CNTNAP2: variants seen among roughly 807,000 people sequenced by gnomAD.
CNTNAP2 encodes the protein contactin associated protein 2, also known as contactin-associated protein-like 2.
CNTNAP2 carries 98 observed loss-of-function variants against 155.2 expected under a neutral mutation model. That is an observed-to-expected ratio of 0.63 (90% CI 0.54 to 0.75). The LOEUF is 0.75. CNTNAP2 is among the 30% of genes least tolerant of loss of function. The probability of loss-of-function intolerance (pLI) is 0.00; values close to 1 mark genes in which losing one functional copy is unlikely to be tolerated. For missense variants in CNTNAP2, 1,727 were observed against 1,688.1 expected (o/e 1.02, Z -0.40); for synonymous variants, 651 against 631.2 (o/e 1.03, Z -0.47).
intron 10 of CNTNAP2, among the ~76,000 whole-genome samples, chr7:147,477,260 C>T (rs1356148759): frequency 6.6e-6 from 1 of 152,078 alleles, no homozygotes; most frequent in Non-Finnish European, 1.5e-5. Context: ...TCTATCAAAA[C>T]CTATCAGGTT....
intron 3 of CNTNAP2, among the ~76,000 whole-genome samples, chr7:146,941,745 C>G (rs1304872160): frequency 1.3e-5 from 2 of 151,918 alleles, no homozygotes; most frequent in African/African-American, 4.8e-5. Context: ...TTCTGAAGAA[C>G]AGTTTTCCTG....
At chr7:147,877,626 C>T (rs1799444917) in intron 13 of CNTNAP2, among the ~76,000 whole-genome samples, 1 of 152,090 alleles carries the variant, frequency 6.6e-6, no homozygotes, top group Non-Finnish European at 1.5e-5. Context: ...AATTGTTCCT[C>T]CTCCTAGATA....
intron 1 of CNTNAP2, among the ~76,000 whole-genome samples, chr7:146,388,751 C>A (rs1449823837): frequency 3.3e-5 from 5 of 152,266 alleles, no homozygotes; most frequent in Admixed American, 6.5e-5. Context: ...TAACTCCTCA[C>A]CAGCCCCCCA....
In CNTNAP2 at chr7:146,493,335, C is replaced by T. The variant is rs114156695; in HGVS notation, c.98-280936C>T. On this transcript the variant is annotated intron_variant, in intron 1 of 23. Transcript: ENST00000361727. Reference sequence around the variant, plus strand: ...ATCTAGAAAATGAAAAATTCTATAGCGCAGAAGGTTAATAGTGGTGAATCT... The same window carrying T: ...ATCTAGAAAATGAAAAATTCTATAGTGCAGAAGGTTAATAGTGGTGAATCT... Among the ~76,000 whole-genome samples the T allele has an allele frequency of 5.1e-3, 779 of 152,162 alleles. 11 individuals are homozygous for T. The highest frequency in any genetic ancestry group is 0.018 in the African/African-American group (730 of 41,540).
intron 18 of CNTNAP2, 66 bp from the exon 19 acceptor site, chr7:148,217,222 G>C: frequency 6.6e-7 from 1 of 1,523,528 alleles, no homozygotes; most frequent in East Asian, 2.3e-5. Flanking sequence ...CTGCTGGAGA[G>C]GTCATTGTAG....
At chr7:147,386,528 G>A (rs904051728) in intron 9 of CNTNAP2, among the ~76,000 whole-genome samples, 1 of 152,020 alleles carries the variant, frequency 6.6e-6, no homozygotes, top group Admixed American at 6.6e-5. Context: ...TCTAGGGCAG[G>A]GGCAAAATGC....
chr7:147,312,827 G>T (rs1795151023), intron 9 of CNTNAP2, among the ~76,000 whole-genome samples: 1 of 123,962 alleles, frequency 8.1e-6, no homozygotes, highest in South Asian at 2.9e-4. Context: ...GATCCCTGAG[G>T]AATCGCCACA....
chr7:147,638,789 T>C (rs902466454), intron 12 of CNTNAP2: 7 of 467,116 alleles, frequency 1.5e-5, no homozygotes, highest in Non-Finnish European at 2.9e-5. Flanking sequence ...TGGGACATAA[T>C]GAGCCTGATA....
At chr7:146,755,171 A>C (rs987881884) in intron 1 of CNTNAP2, among the ~76,000 whole-genome samples, 1 of 151,916 alleles carries the variant, frequency 6.6e-6, no homozygotes, top group Non-Finnish European at 1.5e-5. Context: ...TCCAATCCTA[A>C]AAGACACATG....
intron 1 of CNTNAP2, among the ~76,000 whole-genome samples, chr7:146,179,301 A>G (rs1411362039): frequency 6.6e-6 from 1 of 152,132 alleles, no homozygotes; most frequent in Admixed American, 6.6e-5. Context: ...TGGGGTAAAT[A>G]AAAATAGAAC....
chr7:147,603,507 C>A (rs1329892336), intron 12 of CNTNAP2, among the ~76,000 whole-genome samples: 2 of 152,158 alleles, frequency 1.3e-5, no homozygotes, highest in Non-Finnish European at 2.9e-5. Context: ...GGGAATCCAA[C>A]TTACAAGGGA....
intron 1 of CNTNAP2, among the ~76,000 whole-genome samples, chr7:146,525,854 C>T (rs555993856): frequency 2.6e-5 from 4 of 152,184 alleles, no homozygotes; most frequent in Admixed American, 1.3e-4. Flanking sequence ...ATCAGTGCAG[C>T]TCTCACCCAT....
At chr7:146,450,881 G>A (rs1010229306) in intron 1 of CNTNAP2, among the ~76,000 whole-genome samples, 15 of 151,708 alleles carry the variant, frequency 9.9e-5, no homozygotes, top group African/African-American at 3.4e-4. Flanking sequence ...AGATTGAATG[G>A]GATTTCTTAT....
chr7:147,577,289 G>T (rs1416707089), intron 12 of CNTNAP2, among the ~76,000 whole-genome samples: 1 of 151,958 alleles, frequency 6.6e-6, no homozygotes, highest in Non-Finnish European at 1.5e-5. Context: ...TTTGCTCATT[G>T]CTTCTTTAAT....
At chr7:147,673,805 A>C (rs1795826155) in intron 13 of CNTNAP2, among the ~76,000 whole-genome samples, 1 of 152,206 alleles carries the variant, frequency 6.6e-6, no homozygotes, top group Non-Finnish European at 1.5e-5. Flanking sequence ...TGAATCATTG[A>C]AAAATCAGAG....
chr7:146,384,744 G>C (rs1423115925), intron 1 of CNTNAP2, among the ~76,000 whole-genome samples: 1 of 152,108 alleles, frequency 6.6e-6, no homozygotes, highest in Non-Finnish European at 1.5e-5. Context: ...ACTCCTCAGT[G>C]AAGAAACAGA....
intron 1 of CNTNAP2, among the ~76,000 whole-genome samples, chr7:146,316,750 G>A (rs546707287): frequency 5.3e-4 from 77 of 145,790 alleles, no homozygotes; most frequent in African/African-American, 2.1e-3. Flanking sequence ...ATGTGTTCAG[G>A]TTTTTTAATT....
chr7:147,119,145 C>T (rs1039788771), intron 5 of CNTNAP2, among the ~76,000 whole-genome samples: 1 of 151,948 alleles, frequency 6.6e-6, no homozygotes, highest in African/African-American at 2.4e-5. Context: ...CACACGTGTG[C>T]ACACACACAC....
chr7:147,399,489 G>A (rs1461431075), intron 10 of CNTNAP2, among the ~76,000 whole-genome samples: 1 of 152,070 alleles, frequency 6.6e-6, no homozygotes, highest in Non-Finnish European at 1.5e-5. Context: ...TTAGATGTGG[G>A]GTATGAGAGA....
Sources: gnomAD v4.1 joint callset for allele counts (sites outside exome capture counted in the v4.1 genomes callset) on GRCh38, gnomAD v4.1.1 for gene constraint, MANE v1.5 for transcripts, NCBI Gene and HGNC (gene_info 2026-07-23, HGNC 2026-07-21) for gene names.